Variants in EFCAB6 observed in about 807,000 individuals in gnomAD.
The protein encoded by EFCAB6 is EF-hand calcium-binding domain-containing protein 6.
EFCAB6 carries 156 observed loss-of-function variants against 169.8 expected under a neutral mutation model. The observed-to-expected ratio is 0.92, with a 90% CI of 0.81 to 1.05. The LOEUF (loss-of-function observed/expected upper bound fraction) is 1.05. Among genes scored for constraint, EFCAB6 ranks in the 50% least tolerant of loss-of-function variants. EFCAB6 has a pLI of 0.00. For synonymous variants in EFCAB6, 698 were observed against 676.4 expected (o/e 1.03, Z -0.50); for missense variants, 1,800 against 1,829.1 (o/e 0.98, Z 0.29).
intron 20 of EFCAB6, among the ~76,000 whole-genome samples, chr22:43,625,084 CTTTT>C: frequency 6.7e-6 from 1 of 149,858 alleles, no homozygotes; most frequent in East Asian, 2.1e-4. Flanking sequence ...TTCTTGCTTG[CTTTT>C]TTATTTTTTT....
intron 22 of EFCAB6, among the ~76,000 whole-genome samples, chr22:43,604,306 G>A (rs1394791768): frequency 6.6e-6 from 1 of 152,118 alleles, no homozygotes; most frequent in Non-Finnish European, 1.5e-5. Flanking sequence ...AATCACAGAA[G>A]ATCAGACACC....
intron 2 of EFCAB6, among the ~76,000 whole-genome samples, chr22:43,782,734 G>A (rs2061870436): frequency 6.6e-6 from 1 of 152,106 alleles, no homozygotes; most frequent in South Asian, 2.1e-4. Context: ...GTGGAGTAAG[G>A]ACCTCCGAAA....
At chr22:43,552,656 G>A (rs2048448252) in intron 27 of EFCAB6, 1 of 152,122 alleles carries the variant, frequency 6.6e-6, no homozygotes, top group Admixed American at 6.5e-5. Context: ...TGTTTAATTT[G>A]GTTGGGGAAG....
At chr22:43,737,858 C>T (rs993667790) in intron 6 of EFCAB6, among the ~76,000 whole-genome samples, 18 of 151,292 alleles carry the variant, frequency 1.2e-4, no homozygotes, top group African/African-American at 3.9e-4. Flanking sequence ...CTCACACATA[C>T]ATACATGCAC....
At chr22:43,680,770 A>AT (rs1491173089) in intron 12 of EFCAB6, among the ~76,000 whole-genome samples, 1 of 152,224 alleles carries the variant, frequency 6.6e-6, no homozygotes, top group Non-Finnish European at 1.5e-5. Flanking sequence ...GTTTATAGAA[A>AT]TATAACTGAT....
chr22:43,703,703 C>T (rs975136924), intron 10 of EFCAB6, among the ~76,000 whole-genome samples: 2 of 149,482 alleles, frequency 1.3e-5, no homozygotes, highest in African/African-American at 5.0e-5. Context: ...ATGAAGAATA[C>T]AATAACTGAA....
chr22:43,552,077 C>T (rs1402881236), intron 27 of EFCAB6: 1 of 152,138 alleles, frequency 6.6e-6, no homozygotes, highest in Non-Finnish European at 1.5e-5. Context: ...GTGATCTACC[C>T]ACCTCAGCCT....
chr22:43,694,889 C>T (rs565866736), intron 10 of EFCAB6, among the ~76,000 whole-genome samples: 1 of 151,998 alleles, frequency 6.6e-6, no homozygotes, highest in Non-Finnish European at 1.5e-5. Flanking sequence ...ACGCTTTCTA[C>T]CTAAGATCAG....
chr22:43,722,328 C>G (rs976097358), intron 8 of EFCAB6, among the ~76,000 whole-genome samples: 1 of 151,344 alleles, frequency 6.6e-6, no homozygotes, highest in African/African-American at 2.4e-5. Context: ...AGATCGAGAC[C>G]ATCCTGGCTA....
chr22:43,645,168 C>T (rs553391409), intron 17 of EFCAB6, among the ~76,000 whole-genome samples: 86 of 152,300 alleles, frequency 5.6e-4, no homozygotes, highest in Admixed American at 2.0e-3. Context: ...TCTTTATTTG[C>T]TGCTGTTTAA....
At chr22:43,718,877 G>C (rs2059425674) in intron 8 of EFCAB6, among the ~76,000 whole-genome samples, 1 of 152,164 alleles carries the variant, frequency 6.6e-6, no homozygotes. Context: ...GGTGTCTCAG[G>C]ACATTTGAGC....
rs149218816 is a variant in EFCAB6 at position 43,766,076 on chromosome 22, C to T, written c.352-683G>A. On this transcript the variant is annotated intron_variant, in intron 4 of 31. Coordinates refer to ENST00000262726, the MANE Select transcript of EFCAB6 (RefSeq NM_022785.4). ...TTTGAGATGGAGTCTCGCTCTGTCA[C>T]GCAGGCTGGAGGGCAGTCACAGAAT... Among the ~76,000 whole-genome samples the T allele has an allele frequency of 3.1e-3, 472 of 152,222 alleles. 3 individuals are homozygous for T. Among genetic ancestry groups the T allele is most frequent in the African/African-American group, 0.011 (445 of 41,520 alleles).
At position 43,718,044 on chromosome 22, in the gene EFCAB6, GCATCCATCCATCCATCCACCCATC is replaced by G. The variant is rs2059393696; in HGVS notation, c.758-1096_758-1073del. 1.7e-4 allele frequency among the ~76,000 whole-genome samples: 15 copies of G among 86,158 alleles called. 1 individual carries two copies. In the South Asian group the frequency reaches 7.2e-3, roughly 41 times the overall value. The allele number at this position is 86,158 out of a possible 152,430, so 56.5% of individuals were successfully genotyped here. A position where few individuals can be genotyped will look rare whatever the true frequency, so the allele number is the denominator to read the frequency against. On this transcript the variant is annotated intron_variant, in intron 8 of 31. Transcript: ENST00000262726. ...ACACTTATTTTGTATATCTTTCTAT[GCATCCATCCATCCATCCACCCATC>G]CATCCATCCATCCATCCATGTAAGT...
intron 1 of EFCAB6, among the ~76,000 whole-genome samples, chr22:43,810,649 G>C (rs9625946): frequency 0.031 from 4,744 of 152,246 alleles, 270 homozygotes; most frequent in African/African-American, 0.11. Context: ...CTGTACAAGG[G>C]GAAGAGGTAG....
chr22:43,562,481 T>G (rs963761262), intron 26 of EFCAB6, among the ~76,000 whole-genome samples: 1 of 144,510 alleles, frequency 6.9e-6, no homozygotes, highest in Non-Finnish European at 1.5e-5. Context: ...CCCAACAGGC[T>G]GCCCCAACGC....
At chr22:43,777,705 T>C (rs1192347226) in intron 3 of EFCAB6, among the ~76,000 whole-genome samples, 1 of 152,224 alleles carries the variant, frequency 6.6e-6, no homozygotes, top group Non-Finnish European at 1.5e-5. Flanking sequence ...GGACTTCTCA[T>C]ATATATTTTT....
chr22:43,765,444 C>T (rs1481382439), intron 4 of EFCAB6, 51 bp from the exon 5 acceptor site: 26 of 1,408,598 alleles, frequency 1.8e-5, no homozygotes, highest in Non-Finnish European at 2.5e-5. Context: ...AAGATCCAAG[C>T]AATAGACGGT....
chr22:43,702,011 G>T (rs964134673), intron 10 of EFCAB6, among the ~76,000 whole-genome samples: 1 of 152,038 alleles, frequency 6.6e-6, no homozygotes, highest in East Asian at 1.9e-4. Context: ...AACCAATGGG[G>T]GGGATGTGAA....
Position 43,537,527 on chromosome 22 carries a change from C to T in EFCAB6, c.3898G>A (p.Val1300Met), listed in dbSNP as rs772620252. 17 of 1,613,676 alleles carry T rather than the reference C, an allele frequency of 1.1e-5. No homozygotes were observed. The highest frequency in any genetic ancestry group is 1.6e-4 in the Middle Eastern group (1 of 6,080). Reference protein sequence around the residue: ...SHPCTPASTTVIPGTPPLQNC... With the variant: ...SHPCTPASTTMIPGTPPLQNC... ...TGCAAGGGTGGAGTGCCCGGGATCA[C>T]GGTGGTGCTCGCTGGAGTCTAGCAG... The change falls in exon 29 of 32, where the codon GTG (valine) becomes ATG (methionine). Residue 1300 changes from valine (V) to methionine (M), a missense_variant. Physicochemically the swap from Val to Met is conservative, Grantham distance 21 (BLOSUM62 1). Coordinates refer to ENST00000262726, the MANE Select transcript of EFCAB6 (RefSeq NM_022785.4). This position sits in a 1 kb window ranked among gnomAD's most constrained non-coding sequence, Gnocchi z 4.3.
Sources: allele counts gnomAD v4.1 joint callset (sites outside exome capture counted in the v4.1 genomes callset), GRCh38; gene constraint gnomAD v4.1.1; non-coding constraint Gnocchi (gnomAD v3.1); transcripts MANE v1.5; gene names NCBI Gene and HGNC (gene_info 2026-07-23, HGNC 2026-07-21).